GAREM1: variants seen among roughly 807,000 people sequenced by gnomAD.
GAREM1 encodes the protein GRB2-associated and regulator of MAPK protein 1.
Under a neutral mutation model 71.3 loss-of-function variants are expected in GAREM1, and 26 were observed. The observed-to-expected ratio is 0.36, with a 90% CI of 0.27 to 0.51. The LOEUF (loss-of-function observed/expected upper bound fraction) is 0.51. Among genes scored for constraint, GAREM1 ranks in the 20% least tolerant of loss-of-function variants. GAREM1 has a pLI of 0.95. For missense variants in GAREM1, 1,026 were observed against 1,103.1 expected (o/e 0.93, Z 0.99); for synonymous variants, 440 against 433.2 (o/e 1.02, Z -0.20).
At chr18:32,415,306 A>T (rs2048456817) in intron 1 of GAREM1, among the ~76,000 whole-genome samples, 1 of 151,990 alleles carries the variant, frequency 6.6e-6, no homozygotes, top group Non-Finnish European at 1.5e-5. Context: ...TCATACTCAA[A>T]CTGTTCTGAA....
intron 1 of GAREM1, among the ~76,000 whole-genome samples, chr18:32,406,740 C>A (rs987663518): frequency 1.3e-5 from 2 of 152,036 alleles, no homozygotes; most frequent in Non-Finnish European, 2.9e-5. Flanking sequence ...TAATTGAAGT[C>A]AATGGAAACT....
At chr18:32,376,042 T>C (rs534152530) in intron 2 of GAREM1, among the ~76,000 whole-genome samples, 3 of 152,366 alleles carry the variant, frequency 2.0e-5, no homozygotes, top group African/African-American at 7.2e-5. Context: ...TCATGCTTTA[T>C]TATATTCAGG....
At position 32,263,864 on chromosome 18, in the gene GAREM1, C is replaced by G. The variant is rs977483277; in HGVS notation, c.*4007G>C. On this transcript the variant is annotated 3_prime_UTR_variant, in exon 6 of 6. Coordinates refer to ENST00000269209, the MANE Select transcript of GAREM1 (RefSeq NM_001242409.2). The stretch of plus-strand genomic sequence containing the variant: ...AAAAGGTTTATAGCTAAGAAATTAT[C>G]TGAGCCCTACTACATGAGATTGTAA... 3.3e-5 allele frequency: 5 copies of G among 152,196 alleles called. No homozygotes were observed. The highest frequency in any genetic ancestry group is 7.2e-5 in the African/African-American group (3 of 41,456). The allele number at this position is 152,196 out of a possible 1,614,324, so 9.4% of individuals were successfully genotyped here. A position where few individuals can be genotyped will look rare whatever the true frequency, so the allele number is the denominator to read the frequency against.
chr18:32,355,272 T>C (rs1362666894), intron 2 of GAREM1, among the ~76,000 whole-genome samples: 2 of 152,180 alleles, frequency 1.3e-5, no homozygotes, highest in Non-Finnish European at 2.9e-5. Flanking sequence ...CTAATTCCTA[T>C]TTAAAAAACA....
chr18:32,292,494 C>T (rs1258421499), intron 3 of GAREM1, among the ~76,000 whole-genome samples: 4 of 152,138 alleles, frequency 2.6e-5, no homozygotes, highest in African/African-American at 9.7e-5. Flanking sequence ...TTGGCTGTGA[C>T]CCCAACCAAA....
intron 2 of GAREM1, among the ~76,000 whole-genome samples, chr18:32,372,383 G>A (rs779664388): frequency 3.9e-5 from 6 of 152,110 alleles, no homozygotes; most frequent in Non-Finnish European, 7.4e-5. Flanking sequence ...TCTTACTACT[G>A]AGAAACAACA....
chr18:32,460,161 C>G (rs1462305975), intron 1 of GAREM1, among the ~76,000 whole-genome samples: 1 of 147,952 alleles, frequency 6.8e-6, no homozygotes, highest in African/African-American at 2.5e-5. Flanking sequence ...TTTTCCTCTA[C>G]TAATTGGAGA....
intron 1 of GAREM1, among the ~76,000 whole-genome samples, chr18:32,434,487 T>C (rs2048655989): frequency 1.3e-5 from 2 of 151,978 alleles, no homozygotes; most frequent in African/African-American, 4.8e-5. Context: ...AAAATACTTT[T>C]TTAAAAAAGA....
intron 2 of GAREM1, among the ~76,000 whole-genome samples, chr18:32,384,511 G>A (rs1025683219): frequency 4.6e-5 from 7 of 152,080 alleles, no homozygotes; most frequent in Non-Finnish European, 8.8e-5. Context: ...TTCGGGTAAT[G>A]AACACCCATA....
At chr18:32,320,840 G>T (rs1236134551) in intron 2 of GAREM1, among the ~76,000 whole-genome samples, 1 of 152,126 alleles carries the variant, frequency 6.6e-6, no homozygotes, top group East Asian at 1.9e-4. Flanking sequence ...CTGGTTAATT[G>T]CTTCTTCAGA....
At chr18:32,426,960 A>AT in intron 1 of GAREM1, among the ~76,000 whole-genome samples, 1 of 152,316 alleles carries the variant, frequency 6.6e-6, no homozygotes, top group Middle Eastern at 3.4e-3. Context: ...ATATAGTCAT[A>AT]TATTTTCATG....
At chr18:32,343,823 A>T (rs1369805705) in intron 2 of GAREM1, among the ~76,000 whole-genome samples, 2 of 152,150 alleles carry the variant, frequency 1.3e-5, no homozygotes, top group East Asian at 3.9e-4. Flanking sequence ...TCTGAGTGTC[A>T]GTAAGCCACC....
At chr18:32,391,260 G>A (rs1019901066) in intron 2 of GAREM1, among the ~76,000 whole-genome samples, 5 of 152,146 alleles carry the variant, frequency 3.3e-5, no homozygotes, top group African/African-American at 1.2e-4. Context: ...GACGACTAAT[G>A]TAGCAAGAGT....
intron 1 of GAREM1, among the ~76,000 whole-genome samples, chr18:32,424,940 G>A (rs1420124897): frequency 6.6e-6 from 1 of 152,104 alleles, no homozygotes; most frequent in Admixed American, 6.5e-5. Context: ...GCCCTCCAAA[G>A]GGTATATCAA....
At chr18:32,420,300 A>G (rs914920186) in intron 1 of GAREM1, among the ~76,000 whole-genome samples, 15 of 152,118 alleles carry the variant, frequency 9.9e-5, no homozygotes, top group African/African-American at 3.6e-4. Flanking sequence ...GAAAGAAGAA[A>G]GGGAAGTCTT....
chr18:32,389,347 T>C (rs766422112), intron 2 of GAREM1, among the ~76,000 whole-genome samples: 68 of 152,160 alleles, frequency 4.5e-4, no homozygotes, highest in Admixed American at 9.8e-4. Context: ...ACCATTAACA[T>C]TTATGGAGGC....
At chr18:32,433,981 G>A (rs1002035004) in intron 1 of GAREM1, among the ~76,000 whole-genome samples, 1 of 152,074 alleles carries the variant, frequency 6.6e-6, no homozygotes, top group African/African-American at 2.4e-5. Flanking sequence ...TTGTCAAAAT[G>A]ATTTTTAATC....
At chr18:32,415,663 A>G (rs2048459542) in intron 1 of GAREM1, among the ~76,000 whole-genome samples, 1 of 152,170 alleles carries the variant, frequency 6.6e-6, no homozygotes, top group Non-Finnish European at 1.5e-5. Flanking sequence ...CATTTGATAA[A>G]GCTCAACATA....
At chr18:32,336,429 C>CAAA (rs35803922) in intron 2 of GAREM1, among the ~76,000 whole-genome samples, 7 of 72,834 alleles carry the variant, frequency 9.6e-5, no homozygotes, top group Admixed American at 1.6e-4. Flanking sequence ...GACTCCGTCT[C>CAAA]AAAAAAAAAA....
Sources: gnomAD v4.1 joint callset for allele counts (sites outside exome capture counted in the v4.1 genomes callset) on GRCh38, gnomAD v4.1.1 for gene constraint, MANE v1.5 for transcripts, NCBI Gene and HGNC (gene_info 2026-07-23, HGNC 2026-07-21) for gene names.